EYS: variants seen among roughly 807,000 people sequenced by gnomAD.
The protein encoded by EYS is protein eyes shut homolog.
Under a neutral mutation model 282.1 loss-of-function variants are expected in EYS, and 250 were observed. The observed-to-expected ratio is 0.89, with a 90% CI of 0.80 to 0.98. The LOEUF is 0.98. Ranked by LOEUF, EYS falls within the 50% of genes least tolerant of loss-of-function variation. The probability of loss-of-function intolerance (pLI) is 0.00; values close to 1 mark genes in which losing one functional copy is unlikely to be tolerated. For synonymous variants in EYS, 1,355 were observed against 1,282.9 expected, an observed-to-expected ratio of 1.06 and a Z score of -1.20; for missense variants, 4,016 against 3,709.0, an observed-to-expected ratio of 1.08 and a Z score of -2.15.
chr6:64,262,095 G>A (rs1468665455), intron 30 of EYS, among the ~76,000 whole-genome samples: 5 of 151,968 alleles, frequency 3.3e-5, no homozygotes, highest in Non-Finnish European at 1.5e-5. Context: ...ATTTAGATGA[G>A]ATAAAATTGT....
At chr6:64,463,536 C>T (rs1582786563) in intron 26 of EYS, among the ~76,000 whole-genome samples, 1 of 152,020 alleles carries the variant, frequency 6.6e-6, no homozygotes, top group South Asian at 2.1e-4. Context: ...ATTGTAAAGC[C>T]AATGGGAGAC....
At chr6:65,020,618 C>A (rs1772221251) in intron 13 of EYS, among the ~76,000 whole-genome samples, 2 of 152,158 alleles carry the variant, frequency 1.3e-5, no homozygotes, top group Non-Finnish European at 2.9e-5. Flanking sequence ...ATTCTTGGGT[C>A]TGGAGGACTG....
chr6:64,144,896 G>A (rs1774460342), intron 31 of EYS, among the ~76,000 whole-genome samples: 1 of 152,132 alleles, frequency 6.6e-6, no homozygotes, highest in Non-Finnish European at 1.5e-5. Flanking sequence ...GAACAAGACA[G>A]TTTCTCAATA....
At chr6:65,667,257 C>G (rs997151688) in intron 1 of EYS, among the ~76,000 whole-genome samples, 1 of 151,848 alleles carries the variant, frequency 6.6e-6, no homozygotes, top group Non-Finnish European at 1.5e-5. Flanking sequence ...TAAAACTCTT[C>G]AAATTCTTCC....
chr6:65,406,623 T>G (rs1766750370), intron 5 of EYS, among the ~76,000 whole-genome samples: 1 of 152,112 alleles, frequency 6.6e-6, no homozygotes, highest in African/African-American at 2.4e-5. Context: ...AGCTTATATG[T>G]TTCACATATA....
intron 30 of EYS, among the ~76,000 whole-genome samples, chr6:64,242,855 A>G (rs1766877629): frequency 6.8e-6 from 1 of 147,206 alleles, no homozygotes; most frequent in African/African-American, 2.5e-5. Flanking sequence ...TAAAAATTAT[A>G]ACATGAATTA....
At chr6:65,173,883 A>T (rs1765167328) in intron 12 of EYS, among the ~76,000 whole-genome samples, 1 of 151,300 alleles carries the variant, frequency 6.6e-6, no homozygotes, top group Non-Finnish European at 1.5e-5. Context: ...TAAATATGCT[A>T]CAATTACATT....
chr6:64,256,228 T>G (rs1384575532), intron 30 of EYS, among the ~76,000 whole-genome samples: 2 of 152,020 alleles, frequency 1.3e-5, no homozygotes, highest in African/African-American at 4.8e-5. Flanking sequence ...TTTCACTACA[T>G]AGCTCTTTTT....
chr6:64,707,520 T>C (rs111254099), intron 22 of EYS, among the ~76,000 whole-genome samples: 1 of 151,750 alleles, frequency 6.6e-6, no homozygotes, highest in Admixed American at 6.6e-5. Flanking sequence ...ATACAAAAAA[T>C]TAGCCGGGCG....
At chr6:65,036,412 T>C (rs4710290) in intron 13 of EYS, among the ~76,000 whole-genome samples, 84,361 of 151,402 alleles carry the variant, frequency 0.56, 24,670 homozygotes, top group East Asian at 0.69. Flanking sequence ...ATTCTGAAAA[T>C]AGGCCATGGG....
chr6:64,276,546 G>A (rs1243050463), intron 30 of EYS, among the ~76,000 whole-genome samples: 1 of 152,094 alleles, frequency 6.6e-6, no homozygotes, highest in East Asian at 1.9e-4. Flanking sequence ...AGAATTTACT[G>A]AACAGGAAAT....
At chr6:63,774,968 T>C (rs1770029322) in intron 40 of EYS, among the ~76,000 whole-genome samples, 1 of 152,050 alleles carries the variant, frequency 6.6e-6, no homozygotes, top group African/African-American at 2.4e-5. Context: ...CCATTTTTTG[T>C]TTTTCACTTA....
intron 28 of EYS, among the ~76,000 whole-genome samples, chr6:64,389,235 G>A (rs1773018446): frequency 6.6e-6 from 1 of 152,004 alleles, no homozygotes. Context: ...TATATACTTA[G>A]GTGGAAAACA....
At chr6:64,016,638 G>T (rs1768906904) in intron 33 of EYS, among the ~76,000 whole-genome samples, 1 of 151,914 alleles carries the variant, frequency 6.6e-6, no homozygotes, top group East Asian at 1.9e-4. Flanking sequence ...ACTATGCCTG[G>T]CTAATTTTTG....
chr6:64,085,276 C>A (rs1772105284), intron 31 of EYS, among the ~76,000 whole-genome samples: 1 of 151,800 alleles, frequency 6.6e-6, no homozygotes, highest in Non-Finnish European at 1.5e-5. Context: ...CTGCCCAGCC[C>A]TCTGTCTCTT....
chr6:65,325,003 G>A (rs1769580657), intron 11 of EYS, among the ~76,000 whole-genome samples: 1 of 152,198 alleles, frequency 6.6e-6, no homozygotes, highest in African/African-American at 2.4e-5. Context: ...TGGTGGAAGA[G>A]CTTTCGGCAG....
rs139712370 is a variant in EYS at position 63,826,414 on chromosome 6, G to A, written c.7229-20042C>T. Among the ~76,000 whole-genome samples, 64 of 152,286 alleles carry A rather than the reference G, an allele frequency of 4.2e-4. 2 individuals carry two copies. Among genetic ancestry groups the A allele is most frequent in the Admixed American group, 4.2e-3 (64 of 15,298 alleles). Reference sequence around the variant, plus strand: ...GCACCTGGGAAATTCATTGCAAAAGGATCATCATTGCCTAGGCACATTGTC... The same window carrying A: ...GCACCTGGGAAATTCATTGCAAAAGAATCATCATTGCCTAGGCACATTGTC... On this transcript the variant is annotated intron_variant, in intron 36 of 42. Coordinates refer to ENST00000503581, the MANE Select transcript of EYS (RefSeq NM_001142800.2).
chr6:65,699,464 G>C (rs905303829), intron 1 of EYS, among the ~76,000 whole-genome samples: 6 of 151,990 alleles, frequency 3.9e-5, no homozygotes, highest in Non-Finnish European at 8.8e-5. Flanking sequence ...ACCTTGCTTT[G>C]AACAAGTTCA....
At chr6:64,093,245 T>A (rs1772440718) in intron 31 of EYS, among the ~76,000 whole-genome samples, 1 of 152,270 alleles carries the variant, frequency 6.6e-6, no homozygotes, top group African/African-American at 2.4e-5. Flanking sequence ...GGGCTCTTTT[T>A]TGGTTCCATA....
Sources: gnomAD v4.1 joint callset for allele counts (sites outside exome capture counted in the v4.1 genomes callset) on GRCh38, gnomAD v4.1.1 for gene constraint, MANE v1.5 for transcripts, NCBI Gene and HGNC (gene_info 2026-07-23, HGNC 2026-07-21) for gene names.